PPARGC1A: variants seen among roughly 807,000 people sequenced by gnomAD.
The protein encoded by PPARGC1A is PPARG coactivator 1 alpha, also known as peroxisome proliferator-activated receptor gamma coactivator 1-alpha.
In PPARGC1A, 25 loss-of-function variants were observed where a neutral mutation model predicts 88.7. The ratio of observed to expected loss-of-function variants is 0.28; its 90% confidence interval spans 0.21 to 0.39. The LOEUF is 0.39. PPARGC1A is among the 10% of genes least tolerant of loss of function. The pLI is 1.00. For synonymous variants in PPARGC1A, 363 were observed against 355.6 expected (o/e 1.02, Z -0.24); for missense variants, 880 against 968.7 (o/e 0.91, Z 1.22).
At chr4:23,938,088 G>A in the PPARGC1A span, among the ~76,000 whole-genome samples, 24 of 151,866 alleles carry the variant, frequency 1.6e-4, no homozygotes, top group Admixed American at 2.6e-4. Flanking sequence ...GAGATCCAGA[G>A]TAAAGATTTC....
chr4:24,009,733 C>T, the PPARGC1A span, among the ~76,000 whole-genome samples: 11 of 152,180 alleles, frequency 7.2e-5, no homozygotes, highest in Admixed American at 4.6e-4. Context: ...GAGTCTGCTT[C>T]GGAATCAGTG....
At chr4:24,015,061 TGGA>T in the PPARGC1A span, among the ~76,000 whole-genome samples, 1 of 151,986 alleles carries the variant, frequency 6.6e-6, no homozygotes, top group Non-Finnish European at 1.5e-5. Context: ...GAAAAATGGG[TGGA>T]GAAGGCAGGC....
the PPARGC1A span, among the ~76,000 whole-genome samples, chr4:24,229,227 C>T: frequency 2.2e-5 from 3 of 136,194 alleles, no homozygotes; most frequent in East Asian, 7.0e-4. Context: ...AATCTCAGCT[C>T]ACTGAAACCT....
At chr4:24,072,656 T>C in the PPARGC1A span, among the ~76,000 whole-genome samples, 5 of 152,192 alleles carry the variant, frequency 3.3e-5, no homozygotes, top group African/African-American at 1.2e-4. Flanking sequence ...AAAAATCATT[T>C]AAAACAGATC....
At chr4:24,447,951 C>A in the PPARGC1A span, among the ~76,000 whole-genome samples, 4 of 152,310 alleles carry the variant, frequency 2.6e-5, no homozygotes, top group Non-Finnish European at 5.9e-5. Flanking sequence ...CATTAAAACA[C>A]GCATTTTTAA....
upstream of PPARGC1A, among the ~76,000 whole-genome samples, chr4:23,905,075 G>A (rs188522822): frequency 2.6e-5 from 4 of 152,236 alleles, no homozygotes; most frequent in East Asian, 1.9e-4. Flanking sequence ...AAAAACACTC[G>A]GAGTTCTTTT....
the PPARGC1A span, among the ~76,000 whole-genome samples, chr4:23,937,756 G>T: frequency 6.6e-6 from 1 of 152,024 alleles, no homozygotes; most frequent in Non-Finnish European, 1.5e-5. Context: ...TCTCCACCAG[G>T]GACAGAAATG....
chr4:24,462,135 G>T, the PPARGC1A span, among the ~76,000 whole-genome samples: 1 of 152,110 alleles, frequency 6.6e-6, no homozygotes, highest in South Asian at 2.1e-4. Flanking sequence ...GCACAGGCTG[G>T]AGTGCAGTGG....
chr4:24,305,938 C>G, the PPARGC1A span, among the ~76,000 whole-genome samples: 1 of 152,152 alleles, frequency 6.6e-6, no homozygotes, highest in Non-Finnish European at 1.5e-5. Context: ...TGGGTTTGTA[C>G]AACATCTGAA....
At chr4:24,123,185 C>T in the PPARGC1A span, among the ~76,000 whole-genome samples, 1 of 152,152 alleles carries the variant, frequency 6.6e-6, no homozygotes, top group Non-Finnish European at 1.5e-5. Context: ...TGCAGCTATC[C>T]CTGAAAGTCC....
the PPARGC1A span, among the ~76,000 whole-genome samples, chr4:24,447,197 A>G: frequency 7.9e-5 from 12 of 152,202 alleles, no homozygotes; most frequent in Non-Finnish European, 1.8e-4. Flanking sequence ...AAGGCTCTGG[A>G]GAAACAGAAG....
chr4:24,338,716 G>A, the PPARGC1A span, among the ~76,000 whole-genome samples: 2 of 151,628 alleles, frequency 1.3e-5, no homozygotes, highest in South Asian at 4.2e-4. Flanking sequence ...GAAGTTATAG[G>A]GACTGAAGAC....
At chr4:24,401,832 T>G in the PPARGC1A span, among the ~76,000 whole-genome samples, 1 of 152,194 alleles carries the variant, frequency 6.6e-6, no homozygotes, top group African/African-American at 2.4e-5. Flanking sequence ...ACATGTGAAG[T>G]GCCTGGAACA....
At chr4:23,830,102 C>A (rs1341114279) in intron 3 of PPARGC1A, among the ~76,000 whole-genome samples, 7 of 152,052 alleles carry the variant, frequency 4.6e-5, no homozygotes, top group African/African-American at 1.7e-4. Context: ...TACACATTTT[C>A]TTTCTAAAAA....
chr4:24,472,154 G>T, the PPARGC1A span, among the ~76,000 whole-genome samples: 1 of 152,214 alleles, frequency 6.6e-6, no homozygotes, highest in Non-Finnish European at 1.5e-5. The surrounding 1 kb of genome is among the most constrained non-coding windows in gnomAD (Gnocchi z 4.5). Flanking sequence ...GGCAGATTGG[G>T]CACGGGAGGA....
the PPARGC1A span, among the ~76,000 whole-genome samples, chr4:24,377,466 C>A: frequency 4.6e-5 from 7 of 152,026 alleles, no homozygotes; most frequent in African/African-American, 1.7e-4. Context: ...GGCATAAAAG[C>A]AAAATTCCTG....
chr4:24,134,689 A>C, the PPARGC1A span, among the ~76,000 whole-genome samples: 2 of 152,240 alleles, frequency 1.3e-5, no homozygotes, highest in Non-Finnish European at 2.9e-5. Flanking sequence ...TTTTCACATC[A>C]TTCTACATAA....
intron 1 of PPARGC1A, chr4:23,889,184 T>C (rs1717414076): frequency 1.0e-6 from 1 of 985,398 alleles, no homozygotes; most frequent in Non-Finnish European, 1.2e-6. Context: ...CAGTCCTGCA[T>C]AAACTCTATT....
the PPARGC1A span, among the ~76,000 whole-genome samples, chr4:24,176,928 C>T: frequency 6.6e-6 from 1 of 152,176 alleles, no homozygotes; most frequent in African/African-American, 2.4e-5. Flanking sequence ...TCTCTGCTGT[C>T]TCAACACCAG....
Sources: allele counts gnomAD v4.1 joint callset (sites outside exome capture counted in the v4.1 genomes callset), GRCh38; gene constraint gnomAD v4.1.1; non-coding constraint Gnocchi (gnomAD v3.1); transcripts MANE v1.5; gene names NCBI Gene and HGNC (gene_info 2026-07-23, HGNC 2026-07-21).